Variants in CPLX2 observed in about 807,000 individuals in gnomAD.
The protein encoded by CPLX2 is complexin 2, also known as complexin-2.
In CPLX2, 5 loss-of-function variants were observed where a neutral mutation model predicts 16.3. That is an observed-to-expected ratio of 0.31 (90% confidence interval 0.16 to 0.64). The LOEUF (loss-of-function observed/expected upper bound fraction) is 0.64. Among genes scored for constraint, CPLX2 ranks in the 30% least tolerant of loss-of-function variants. CPLX2 has a pLI of 0.79. For synonymous variants in CPLX2, 89 were observed against 73.2 expected (o/e 1.22, Z -1.10); for missense variants, 144 against 181.4 (o/e 0.79, Z 1.18).
chr5:175,865,555 T>A (rs369877900), intron 2 of CPLX2, among the ~76,000 whole-genome samples: 3 of 152,228 alleles, frequency 2.0e-5, no homozygotes, highest in East Asian at 3.8e-4. Flanking sequence ...CACTTCCAAC[T>A]TCACAATTCT....
chr5:175,812,298 C>T (rs1167817388), intron 2 of CPLX2, among the ~76,000 whole-genome samples: 1 of 152,196 alleles, frequency 6.6e-6, no homozygotes, highest in Non-Finnish European at 1.5e-5. Context: ...CTGAGGGAGA[C>T]AGGAATGAGA....
At chr5:175,842,358 T>C (rs923660564) in intron 2 of CPLX2, among the ~76,000 whole-genome samples, 10 of 152,212 alleles carry the variant, frequency 6.6e-5, no homozygotes, top group African/African-American at 2.4e-4. Flanking sequence ...GCAAAGATGC[T>C]ATTATTATCT....
intron 1 of CPLX2, among the ~76,000 whole-genome samples, chr5:175,808,625 T>G (rs1300809216): frequency 6.6e-6 from 1 of 152,140 alleles, no homozygotes; most frequent in Non-Finnish European, 1.5e-5. Flanking sequence ...AAGCTGGAAT[T>G]CAAAACCAGA....
intron 2 of CPLX2, chr5:175,837,572 T>C (rs1196503746): frequency 6.6e-6 from 1 of 152,266 alleles, no homozygotes; most frequent in Non-Finnish European, 1.5e-5. Flanking sequence ...GGCTGGAAGA[T>C]GGATTCGGGG....
intron 2 of CPLX2, among the ~76,000 whole-genome samples, chr5:175,858,573 G>C (rs907721779): frequency 1.3e-5 from 2 of 152,220 alleles, no homozygotes; most frequent in African/African-American, 4.8e-5. Flanking sequence ...CAACCTGAGG[G>C]GCGAAGGAGG....
At chr5:175,806,640 G>A (rs1001879367) in intron 1 of CPLX2, among the ~76,000 whole-genome samples, 5 of 149,608 alleles carry the variant, frequency 3.3e-5, no homozygotes, top group East Asian at 2.0e-4. Flanking sequence ...ACAGGCATGT[G>A]TCACCACGCC....
intron 2 of CPLX2, among the ~76,000 whole-genome samples, chr5:175,821,878 T>G (rs542622453): frequency 2.6e-5 from 4 of 152,154 alleles, no homozygotes; most frequent in Admixed American, 2.6e-4. Context: ...CCTAAATAAG[T>G]GAAATGGGGA....
At chr5:175,839,655 T>G (rs978843149) in intron 2 of CPLX2, among the ~76,000 whole-genome samples, 2 of 152,234 alleles carry the variant, frequency 1.3e-5, no homozygotes, top group Non-Finnish European at 2.9e-5. Context: ...TGTAGAGTTT[T>G]GGGAATGTAC....
intron 2 of CPLX2, among the ~76,000 whole-genome samples, chr5:175,824,664 T>C (rs959175457): frequency 2.0e-5 from 3 of 152,226 alleles, no homozygotes; most frequent in Admixed American, 6.5e-5. Context: ...GCACCTTCAT[T>C]GTGCTCCTAC....
chr5:175,818,345 G>T (rs1758445383), intron 2 of CPLX2, among the ~76,000 whole-genome samples: 3 of 152,162 alleles, frequency 2.0e-5, no homozygotes, highest in Non-Finnish European at 4.4e-5. Context: ...GTGGTGACAG[G>T]TGGGCTGATC....
At chr5:175,824,272 G>A (rs1471916133) in intron 2 of CPLX2, among the ~76,000 whole-genome samples, 1 of 152,224 alleles carries the variant, frequency 6.6e-6, no homozygotes, top group Non-Finnish European at 1.5e-5. Context: ...TTAACTGCCA[G>A]TCAGAGCTTT....
intron 2 of CPLX2, among the ~76,000 whole-genome samples, chr5:175,840,191 C>T (rs546545727): frequency 6.6e-6 from 1 of 152,090 alleles, no homozygotes; most frequent in African/African-American, 2.4e-5. Context: ...ATCTTCAAAG[C>T]ATAAAACATA....
upstream of CPLX2, among the ~76,000 whole-genome samples, chr5:175,871,084 G>A (rs1386113681): frequency 6.6e-6 from 1 of 152,092 alleles, no homozygotes; most frequent in African/African-American, 2.4e-5. Context: ...CGCAAGAAGT[G>A]CAACCACTCT....
chr5:175,809,393 G>A lies in CPLX2; in HGVS notation c.-89+325G>A, dbSNP rs573106195. 1 of 152,354 alleles carries A rather than the reference G, an allele frequency of 6.6e-6. No individual in the cohort carries two copies. The highest frequency in any genetic ancestry group is 2.1e-4 in the South Asian group (1 of 4,826). 9.4% of individuals were successfully genotyped at this position (152,354 alleles called of 1,614,324 possible). A position where few individuals can be genotyped will look rare whatever the true frequency, so the allele number is the denominator to read the frequency against. Reference sequence around the variant, plus strand: ...GGACTTGCCTAAAGACACACAGCTGGTAGGTAGCTAAGGCTGAATTCCAAG... The same window carrying A: ...GGACTTGCCTAAAGACACACAGCTGATAGGTAGCTAAGGCTGAATTCCAAG... On this transcript the variant is annotated intron_variant, in intron 2 of 4. Transcript: ENST00000359546. This position sits in a 1 kb window ranked among gnomAD's most constrained non-coding sequence, Gnocchi z 4.4.
chr5:175,836,146 C>T (rs540434578), intron 2 of CPLX2, among the ~76,000 whole-genome samples: 74 of 152,184 alleles, frequency 4.9e-4, no homozygotes, highest in South Asian at 3.7e-3. Flanking sequence ...GTCAGGAGAT[C>T]GAAACCATCC....
chr5:175,876,448 G>A (rs1561792218), intron 1 of CPLX2, among the ~76,000 whole-genome samples: 1 of 152,144 alleles, frequency 6.6e-6, no homozygotes, highest in Admixed American at 6.6e-5. Context: ...CAAAGGAAGA[G>A]AAGAAAAGAG....
intron 2 of CPLX2, among the ~76,000 whole-genome samples, chr5:175,858,950 T>G (rs537786004): frequency 6.6e-6 from 1 of 152,312 alleles, no homozygotes; most frequent in South Asian, 2.1e-4. Flanking sequence ...CTTTCCAGCA[T>G]GGAAACCTTG....
intron 2 of CPLX2, among the ~76,000 whole-genome samples, chr5:175,817,918 T>C (rs1029415589): frequency 6.6e-6 from 1 of 152,086 alleles, no homozygotes; most frequent in South Asian, 2.1e-4. Flanking sequence ...ATGATGGAGG[T>C]TCAACCTAGG....
intron 2 of CPLX2, among the ~76,000 whole-genome samples, chr5:175,865,801 T>C (rs1393764037): frequency 6.6e-6 from 1 of 152,220 alleles, no homozygotes; most frequent in Non-Finnish European, 1.5e-5. Context: ...TGCAAATTCC[T>C]GGGCTTCCGT....
Sources: allele counts gnomAD v4.1 joint callset (sites outside exome capture counted in the v4.1 genomes callset), GRCh38; gene constraint gnomAD v4.1.1; non-coding constraint Gnocchi (gnomAD v3.1); transcripts MANE v1.5; gene names NCBI Gene and HGNC (gene_info 2026-07-23, HGNC 2026-07-21).